The following OSBP2 variants were observed in gnomAD, a reference collection of about 807,000 sequenced individuals.
OSBP2 encodes the protein oxysterol binding protein 2, also known as oxysterol-binding protein 2.
OSBP2 carries 66 observed loss-of-function variants against 96.0 expected under a neutral mutation model. The observed-to-expected ratio is 0.69, with a 90% CI of 0.56 to 0.84. OSBP2 has a LOEUF of 0.84. Among genes scored for constraint, OSBP2 ranks in the 40% least tolerant of loss-of-function variants. The probability of loss-of-function intolerance (pLI) is 0.00; values close to 1 mark genes in which losing one functional copy is unlikely to be tolerated. For synonymous variants in OSBP2, 525 were observed against 520.9 expected (o/e 1.01, Z -0.11); for missense variants, 1,038 against 1,222.7 (o/e 0.85, Z 2.25).
intron 2 of OSBP2, chr22:30,773,155 T>A (rs567813779): frequency 3.7e-4 from 52 of 139,842 alleles, no homozygotes; most frequent in African/African-American, 1.4e-3. Context: ...CAAGCTGGAG[T>A]ACAATGTCAT....
intron 1 of OSBP2, among the ~76,000 whole-genome samples, chr22:30,722,615 T>C (rs1356306535): frequency 1.3e-5 from 2 of 151,834 alleles, no homozygotes; most frequent in Non-Finnish European, 2.9e-5. Context: ...CTTTCTTTCT[T>C]TTCTCTTTTT....
chr22:30,824,397 C>T (rs772207520), intron 2 of OSBP2, among the ~76,000 whole-genome samples: 7 of 151,976 alleles, frequency 4.6e-5, no homozygotes, highest in Non-Finnish European at 8.8e-5. Context: ...TGTCGGAGAC[C>T]CTAGGGGGGA....
At chr22:30,838,084 G>A (rs2038675122) in intron 2 of OSBP2, among the ~76,000 whole-genome samples, 1 of 152,182 alleles carries the variant, frequency 6.6e-6, no homozygotes, top group Non-Finnish European at 1.5e-5. Context: ...GTGAGATTAA[G>A]TCATTTGGTA....
At chr22:30,737,502 T>A (rs1415201520) in intron 1 of OSBP2, among the ~76,000 whole-genome samples, 1 of 151,414 alleles carries the variant, frequency 6.6e-6, no homozygotes, top group African/African-American at 2.4e-5. Flanking sequence ...AAAAAAAATT[T>A]TTTTTTGTAG....
chr22:30,813,374 A>T (rs765147169), intron 2 of OSBP2, among the ~76,000 whole-genome samples: 11 of 151,678 alleles, frequency 7.3e-5, no homozygotes, highest in Non-Finnish European at 1.2e-4. Context: ...AGCTTTCACC[A>T]TGTTGGCCAG....
At position 30,906,277 on chromosome 22, in the gene OSBP2, A is replaced by C. The variant is rs1253259760; in HGVS notation, c.2689A>C (p.Lys897Gln). 1 of 1,614,022 alleles carries C rather than the reference A, an allele frequency of 6.2e-7. No homozygotes were observed. Among genetic ancestry groups the C allele is most frequent in the Non-Finnish European group, 8.5e-7 (1 of 1,179,996 alleles). Residue 897 changes from lysine (K) to glutamine (Q), a missense_variant, in exon 14 of 14, where the codon AAG becomes CAG. Lys to Gln is a moderately conservative substitution (Grantham distance 53). Around this residue, in one of 3 missense-constraint regions of OSBP2, gnomAD observed 737 missense variants for 913.3 expected, o/e 0.81. Transcript: ENST00000332585. ...GACCGGGGAGATGGCCTGTGTGTAC[A>C]AGGGCGGCTACTGGGAGGCCAAGGA... is the stretch of plus-strand genomic sequence containing the variant. ...PLTGEMACVY[K>Q]GGYWEAKEKQ...
intron 1 of OSBP2, among the ~76,000 whole-genome samples, chr22:30,713,461 G>GTTATTTATTTATTTAT (rs71328864): frequency 2.0e-5 from 3 of 149,868 alleles, no homozygotes; most frequent in South Asian, 2.1e-4. Flanking sequence ...TTTTTAAAAT[G>GTTATTTATTTATTTAT]TTATTTATTT....
rs1240918330 is a variant in OSBP2, at chr22:30,887,578, C to T, written c.1260C>T (p.Ala420=). Residue 420 remains alanine, a synonymous_variant, in exon 4 of 14, where the codon GCC becomes GCT. Coordinates refer to ENST00000332585, the MANE Select transcript of OSBP2 (RefSeq NM_030758.4). ...HNSLERAFHS[A]PGRPANPSKS... Reference sequence around the variant, plus strand: ...GCCTCGAGCGGGCCTTCCACAGTGCCCCTGGCCGGCCGGCCAACCCCTCCA... The same window carrying T: ...GCCTCGAGCGGGCCTTCCACAGTGCTCCTGGCCGGCCGGCCAACCCCTCCA... The T allele has an allele frequency of 6.2e-7, 1 of 1,611,134 alleles. No individual in the cohort carries two copies. Among genetic ancestry groups the T allele is most frequent in the Admixed American group, 1.7e-5 (1 of 59,672 alleles).
chr22:30,893,245 G>A lies in OSBP2; in HGVS notation c.1990+3G>A, dbSNP rs143181531. The A allele has an allele frequency of 5.6e-6, 9 of 1,614,046 alleles. No homozygotes were observed. The highest frequency in any genetic ancestry group is 5.3e-5 in the African/African-American group (4 of 75,040). ...ATACATCTCCATCATGCCGCTAGGTGAGCTGGGGCCCGGTGCCTTCCTGGG... is the reference window on the plus strand; with the variant it reads ...ATACATCTCCATCATGCCGCTAGGTAAGCTGGGGCCCGGTGCCTTCCTGGG... On this transcript the variant is annotated splice_donor_region_variant and intron_variant, in intron 9 of 13. Transcript: ENST00000332585.
At position 30,730,774 on chromosome 22, in the gene OSBP2, CTATATATATATATA is replaced by C. The variant is rs1206537838; in HGVS notation, c.645-10366_645-10353del. On this transcript the variant is annotated intron_variant, in intron 1 of 13. Coordinates refer to ENST00000332585, the MANE Select transcript of OSBP2 (RefSeq NM_030758.4). ...TCTCTCTCTCTCTCTCTCTCTCTCT[CTATATATATATATA>C]TATATATATATATATATATAATTTT... Among the ~76,000 whole-genome samples the C allele has an allele frequency of 1.0e-3, 14 of 13,840 alleles. 1 individual carries two copies. The highest frequency in any genetic ancestry group is 5.1e-3 in the East Asian group (3 of 586). 9.1% of individuals were successfully genotyped at this position (13,840 alleles called of 152,430 possible). A position where few individuals can be genotyped will look rare whatever the true frequency, so the allele number is the denominator to read the frequency against.
chr22:30,813,888 C>T (rs1250993238), intron 2 of OSBP2, among the ~76,000 whole-genome samples: 3 of 151,878 alleles, frequency 2.0e-5, no homozygotes, highest in South Asian at 2.1e-4. Flanking sequence ...CCGCAACCTC[C>T]GCCTCCCGGG....
rs774548986 is a variant in OSBP2, at chr22:30,695,409, C to A, written c.500C>A (p.Ser167Ter). 3.1e-6 allele frequency: 5 copies of A among 1,613,704 alleles called. No individual in the cohort carries two copies. The South Asian group carries it at 5.5e-5, about 18-fold the overall frequency. The change falls in exon 1 of 14, where the codon TCG becomes TAG. Residue 167 changes from serine to a stop codon, truncating the protein, a stop_gained. Coordinates refer to ENST00000332585, the MANE Select transcript of OSBP2 (RefSeq NM_030758.4). LOFTEE classifies it high-confidence loss of function. ...QAKTPLGVPM[S>*]GTGTTSSAPL... ...AAGACTCCTCTTGGGGTTCCAATGT[C>A]GGGGACTGGCACGACCTCCAGTGCC...
chr22:30,857,524 G>C (rs1172382522), intron 2 of OSBP2, among the ~76,000 whole-genome samples: 1 of 152,208 alleles, frequency 6.6e-6, no homozygotes, highest in Admixed American at 6.5e-5. Flanking sequence ...TTGTTTCTTT[G>C]CTACTTTGTG....
intron 5 of OSBP2, among the ~76,000 whole-genome samples, chr22:30,888,792 T>C (rs1275361811): frequency 6.6e-6 from 1 of 152,056 alleles, no homozygotes; most frequent in African/African-American, 2.4e-5. Context: ...CCTCATAGAG[T>C]ATACTTACAC....
intron 12 of OSBP2, chr22:30,902,140 C>A (rs9609148): frequency 0.79 from 204,045 of 258,028 alleles, 75,548 homozygotes; most frequent in Admixed American, 0.85. Flanking sequence ...AAAAAAAAAC[C>A]AAAAAAAAAA....
chr22:30,793,218 C>A (rs919276069), intron 2 of OSBP2, among the ~76,000 whole-genome samples: 13 of 151,296 alleles, frequency 8.6e-5, no homozygotes, highest in Admixed American at 4.0e-4. Context: ...GGTGAAAACC[C>A]ATCTCTACTA....
intron 2 of OSBP2, among the ~76,000 whole-genome samples, chr22:30,793,504 G>C (rs1335317324): frequency 6.6e-6 from 1 of 150,848 alleles, no homozygotes; most frequent in African/African-American, 2.4e-5. Context: ...AAAAAAACTA[G>C]GCTGTGCACG....
chr22:30,721,572 AC>A (rs1338153574), intron 1 of OSBP2, among the ~76,000 whole-genome samples: 2 of 152,148 alleles, frequency 1.3e-5, no homozygotes, highest in African/African-American at 4.8e-5. Context: ...TTGTGTTTCG[AC>A]AGGAGTTTAC....
chr22:30,722,497 T>TA (rs1458138294), intron 1 of OSBP2, among the ~76,000 whole-genome samples: 1 of 152,140 alleles, frequency 6.6e-6, no homozygotes, highest in Non-Finnish European at 1.5e-5. Context: ...CCAACATACC[T>TA]AAAAATTTAA....
Sources: allele counts gnomAD v4.1 joint callset (sites outside exome capture counted in the v4.1 genomes callset), GRCh38; gene constraint gnomAD v4.1.1; regional missense constraint gnomAD v4.1.1; transcripts MANE v1.5; gene names NCBI Gene and HGNC (gene_info 2026-07-23, HGNC 2026-07-21).